The following SLIT3 variants were observed in gnomAD, a reference collection of about 807,000 sequenced individuals.
The protein encoded by SLIT3 is slit homolog 3 protein.
Under a neutral mutation model 184.0 loss-of-function variants are expected in SLIT3, and 68 were observed. That is an observed-to-expected ratio of 0.37 (90% CI 0.30 to 0.45). The LOEUF (loss-of-function observed/expected upper bound fraction) is 0.45. Ranked by LOEUF, SLIT3 falls within the 20% of genes least tolerant of loss-of-function variation. The pLI is 1.00. For missense variants in SLIT3, 1,707 were observed against 2,026.0 expected (o/e 0.84, Z 3.02); for synonymous variants, 831 against 828.6 (o/e 1.00, Z -0.05).
intron 4 of SLIT3, among the ~76,000 whole-genome samples, chr5:169,140,722 T>A (rs1004638140): frequency 6.6e-6 from 1 of 151,896 alleles, no homozygotes; most frequent in Non-Finnish European, 1.5e-5. Context: ...ATCTCTTGAG[T>A]CCAGAAGGTC....
chr5:168,705,290 C>T (rs1580982770), intron 26 of SLIT3, among the ~76,000 whole-genome samples: 1 of 152,158 alleles, frequency 6.6e-6, no homozygotes, highest in Non-Finnish European at 1.5e-5. Context: ...GTTTCTTCAA[C>T]TGTAAAATGA....
At chr5:168,697,014 G>T (rs895614680) in intron 27 of SLIT3, among the ~76,000 whole-genome samples, 7 of 152,196 alleles carry the variant, frequency 4.6e-5, no homozygotes, top group African/African-American at 1.2e-4. Flanking sequence ...GGGTGGTTGT[G>T]AAGATTGAGA....
chr5:168,862,133 G>T (rs1470035957), intron 5 of SLIT3, among the ~76,000 whole-genome samples: 1 of 152,132 alleles, frequency 6.6e-6, no homozygotes, highest in African/African-American at 2.4e-5. Context: ...CTAACACTGG[G>T]TCAAAGGAAT....
intron 4 of SLIT3, among the ~76,000 whole-genome samples, chr5:169,098,398 C>T (rs2113222588): frequency 6.6e-6 from 1 of 152,288 alleles, no homozygotes; most frequent in East Asian, 1.9e-4. Flanking sequence ...TTAGTAGATG[C>T]AGAAGGTTTT....
chr5:169,002,322 C>CAAAAAAAAAAAAAAAAAAAAAAAAAAA (rs397999882), intron 4 of SLIT3, among the ~76,000 whole-genome samples: 8 of 24,200 alleles, frequency 3.3e-4, no homozygotes, highest in African/African-American at 8.5e-4. Context: ...GACTCTGTCT[C>CAAAAAAAAAAAAAAAAAAAAAAAAAAA]AAAAAAAAAA....
rs374364250 is a variant in SLIT3, at chr5:168,673,205, C to A, written c.3813G>T (p.Val1271=). 4.3e-6 allele frequency: 7 copies of A among 1,613,990 alleles called. No homozygotes were observed. The highest frequency in any genetic ancestry group is 5.1e-6 in the Non-Finnish European group (6 of 1,180,020). ...CAAGGTAGAGGGGGCTGTTGATGCC[C>A]ACTGCTGGCTGCTTCTGGAGCTTCC... The part of the protein sequence containing the change: ...SLGKLQKQPA[V]GINSPLYLGG... The change falls in exon 33 of 36, where the codon GTG becomes GTT. Residue 1271 remains valine, a synonymous_variant. Coordinates refer to ENST00000519560, the MANE Select transcript of SLIT3 (RefSeq NM_003062.4).
At chr5:169,006,029 C>CT (rs1260187519) in intron 4 of SLIT3, among the ~76,000 whole-genome samples, 1 of 152,204 alleles carries the variant, frequency 6.6e-6, no homozygotes, top group East Asian at 1.9e-4. Flanking sequence ...GTGCTAGGCC[C>CT]TTGTCCTTGT....
Position 168,918,444 on chromosome 5 carries a change from G to A in SLIT3, c.414-35108C>T, listed in dbSNP as rs145597144. On this transcript the variant is annotated intron_variant, in intron 4 of 35. Transcript: ENST00000519560. ...TAGTAATACTTTGATAAGGGAAGTT[G>A]GTATGTCAGTTGTCACTGAGGGCCC... is the stretch of plus-strand genomic sequence containing the variant. Among the ~76,000 whole-genome samples the A allele has an allele frequency of 9.8e-4, 149 of 152,302 alleles. 2 individuals are homozygous for A. Among genetic ancestry groups the A allele is most frequent in the Admixed American group, 1.8e-3 (28 of 15,300 alleles).
At chr5:168,779,062 T>C (rs959527251) in intron 12 of SLIT3, among the ~76,000 whole-genome samples, 4 of 152,226 alleles carry the variant, frequency 2.6e-5, no homozygotes, top group African/African-American at 9.6e-5. Context: ...CCACATGGCC[T>C]AACAGGTAAT....
chr5:169,252,101 G>T (rs1463327620), intron 1 of SLIT3, among the ~76,000 whole-genome samples: 1 of 152,134 alleles, frequency 6.6e-6, no homozygotes, highest in East Asian at 1.9e-4. Flanking sequence ...TCTATCACTT[G>T]AAATCAAAAG....
intron 12 of SLIT3, among the ~76,000 whole-genome samples, chr5:168,778,238 C>T (rs1408042262): frequency 1.3e-5 from 2 of 152,208 alleles, no homozygotes; most frequent in Non-Finnish European, 2.9e-5. Flanking sequence ...CACAACAGCA[C>T]TATGATTATC....
chr5:168,795,369 C>T lies in SLIT3; in HGVS notation c.1007+138G>A, dbSNP rs78815217. 1.9e-5 allele frequency: 13 copies of T among 695,792 alleles called. No individual in the cohort carries two copies. In the Admixed American group the frequency reaches 2.3e-4, roughly 12 times the overall value. 43.1% of individuals were successfully genotyped at this position (695,792 alleles called of 1,614,324 possible). On this transcript the variant is annotated intron_variant, in intron 10 of 35. Transcript: ENST00000519560. ...CACATCTTACCTCCCAAGCTTAGGA[C>T]AGCGTTCCAGGTCTGAAACAGAACT...
chr5:168,997,013 C>G (rs527581373), intron 4 of SLIT3, among the ~76,000 whole-genome samples: 2 of 152,072 alleles, frequency 1.3e-5, no homozygotes, highest in Non-Finnish European at 2.9e-5. Context: ...GCTGTCAGGC[C>G]GGGTTAGTGC....
chr5:169,221,666 C>T (rs1045412478), intron 3 of SLIT3, among the ~76,000 whole-genome samples: 2 of 152,266 alleles, frequency 1.3e-5, no homozygotes, highest in Admixed American at 1.3e-4. Context: ...GTGTGACTTG[C>T]CTTCAGACAT....
rs985684570 is a variant in SLIT3, at chr5:169,165,814, G to C, written c.413+27665C>G. On this transcript the variant is annotated intron_variant, in intron 4 of 35. Transcript: ENST00000519560. ...TTTATGTGTTTACCTTGTCTATCAA[G>C]TGCACCCCCACTAGAATGGGAGTCC... Among the ~76,000 whole-genome samples, 11 of 152,268 alleles carry C rather than the reference G, an allele frequency of 7.2e-5. No individual in the cohort carries two copies. The South Asian group carries it at 1.2e-3, about 17-fold the overall frequency.
chr5:168,752,740 A>T (rs1581039320), intron 18 of SLIT3: 1 of 556,686 alleles, frequency 1.8e-6, no homozygotes, highest in East Asian at 3.0e-5. Context: ...TTTCTGTGGC[A>T]ATTCACTATG....
intron 8 of SLIT3, among the ~76,000 whole-genome samples, chr5:168,810,193 G>A (rs1029284189): frequency 3.3e-5 from 5 of 152,204 alleles, no homozygotes; most frequent in African/African-American, 1.2e-4. Flanking sequence ...TTATATGACT[G>A]TAAGTTGGGA....
intron 1 of SLIT3, among the ~76,000 whole-genome samples, chr5:169,267,789 T>G (rs1766452352): frequency 2.0e-5 from 3 of 152,320 alleles, no homozygotes; most frequent in Middle Eastern, 3.4e-3. Context: ...CATGTCTTTG[T>G]TCTTAAGGAG....
intron 3 of SLIT3, among the ~76,000 whole-genome samples, chr5:169,196,498 T>C (rs1462139639): frequency 1.3e-5 from 2 of 152,168 alleles, no homozygotes; most frequent in South Asian, 2.1e-4. Flanking sequence ...TGGATTGAGT[T>C]CTACATGCAT....
Sources: allele counts gnomAD v4.1 joint callset (sites outside exome capture counted in the v4.1 genomes callset), GRCh38; gene constraint gnomAD v4.1.1; transcripts MANE v1.5; gene names NCBI Gene and HGNC (gene_info 2026-07-23, HGNC 2026-07-21).